The following MAD1L1 variants were observed in gnomAD, a reference collection of about 807,000 sequenced individuals.
MAD1L1 encodes mitotic spindle assembly checkpoint protein MAD1.
Under a neutral mutation model 96.9 loss-of-function variants are expected in MAD1L1, and 95 were observed. That is an observed-to-expected ratio of 0.98 (90% CI 0.83 to 1.16). The LOEUF is 1.16. Ranked by LOEUF, MAD1L1 falls within the 50% of genes most tolerant of loss-of-function variation. The probability of loss-of-function intolerance (pLI) is 0.00; values close to 1 mark genes in which losing one functional copy is unlikely to be tolerated. For missense variants in MAD1L1, 1,007 were observed against 954.4 expected, an observed-to-expected ratio of 1.06 and a Z score of -0.73; for synonymous variants, 473 against 396.6, an observed-to-expected ratio of 1.19 and a Z score of -2.29.
At chr7:2,184,459 A>C (rs1167795892) in intron 10 of MAD1L1, among the ~76,000 whole-genome samples, 3 of 152,180 alleles carry the variant, frequency 2.0e-5, no homozygotes, top group Non-Finnish European at 4.4e-5. Context: ...TCCAGGTAGG[A>C]GCATAAAATC....
chr7:2,122,971 G>C (rs1384876083), intron 11 of MAD1L1, among the ~76,000 whole-genome samples: 1 of 152,236 alleles, frequency 6.6e-6, no homozygotes, highest in East Asian at 1.9e-4. Flanking sequence ...AAGGCGACCG[G>C]TACCTCACCT....
intron 17 of MAD1L1, among the ~76,000 whole-genome samples, chr7:1,909,068 G>A (rs975715312): frequency 2.0e-5 from 3 of 152,248 alleles, no homozygotes; most frequent in Admixed American, 6.5e-5. Context: ...ACACAGGGCA[G>A]GAGGGAACGT....
chr7:2,209,759 C>T (rs529736126), intron 10 of MAD1L1, among the ~76,000 whole-genome samples: 19 of 152,208 alleles, frequency 1.2e-4, no homozygotes, highest in Non-Finnish European at 2.5e-4. Flanking sequence ...CCAGCCCACC[C>T]GGCACAGGCC....
At chr7:1,884,622 G>A (rs1196996949) in intron 18 of MAD1L1, among the ~76,000 whole-genome samples, 1 of 152,250 alleles carries the variant, frequency 6.6e-6, no homozygotes, top group Non-Finnish European at 1.5e-5. Flanking sequence ...TCTAAGAGAC[G>A]ACCGAGAGTG....
At chr7:1,920,985 C>G (rs1276634079) in intron 17 of MAD1L1, among the ~76,000 whole-genome samples, 1 of 151,482 alleles carries the variant, frequency 6.6e-6, no homozygotes, top group Non-Finnish European at 1.5e-5. Context: ...GCCCTGGAGA[C>G]GACGAGACAG....
At chr7:2,143,079 T>C (rs1789122983) in intron 11 of MAD1L1, among the ~76,000 whole-genome samples, 1 of 152,026 alleles carries the variant, frequency 6.6e-6, no homozygotes, top group Non-Finnish European at 1.5e-5. Context: ...CAGGACACGG[T>C]GCCAGTGATG....
At chr7:1,948,870 G>T (rs1482812453) in intron 16 of MAD1L1, among the ~76,000 whole-genome samples, 1 of 152,184 alleles carries the variant, frequency 6.6e-6, no homozygotes, top group Admixed American at 6.5e-5. Flanking sequence ...ACCCAGCAAG[G>T]CTGACATCTG....
chr7:1,876,109 A>C (rs1046389074), intron 18 of MAD1L1, among the ~76,000 whole-genome samples: 3 of 152,186 alleles, frequency 2.0e-5, no homozygotes, highest in Non-Finnish European at 2.9e-5. Context: ...CAGCCAGACC[A>C]GCAGAGTGGT....
chr7:1,912,690 G>A (rs949897254), intron 17 of MAD1L1, among the ~76,000 whole-genome samples: 1 of 152,184 alleles, frequency 6.6e-6, no homozygotes, highest in Non-Finnish European at 1.5e-5. Context: ...CAGGGCCCCT[G>A]TGCAGGCAGG....
At position 2,219,258 on chromosome 7, in the gene MAD1L1, C is replaced by G. The variant is rs1044189177; in HGVS notation, c.596+74G>C. Reference sequence around the variant, plus strand: ...GGGAGTGTATCCACATCCCACCCAGCCACCAGGAGAGAGGTGGGACGCATG... The same window carrying G: ...GGGAGTGTATCCACATCCCACCCAGGCACCAGGAGAGAGGTGGGACGCATG... On this transcript the variant is annotated intron_variant, in intron 6 of 18. Coordinates refer to ENST00000265854, the MANE Select transcript of MAD1L1 (RefSeq NM_001013836.2). The G allele has an allele frequency of 2.2e-6, 3 of 1,390,376 alleles. No individual in the cohort carries two copies. In the African/African-American group the frequency reaches 4.3e-5, roughly 20 times the overall value. 86.1% of individuals were successfully genotyped at this position (1,390,376 alleles called of 1,614,324 possible). A position where few individuals can be genotyped will look rare whatever the true frequency, so the allele number is the denominator to read the frequency against.
chr7:2,082,030 G>A (rs1785679226), intron 11 of MAD1L1, among the ~76,000 whole-genome samples: 1 of 152,208 alleles, frequency 6.6e-6, no homozygotes, highest in South Asian at 2.1e-4. Flanking sequence ...CTGAAGTCTG[G>A]CCACACTGAA....
At chr7:2,081,883 A>AC (rs1785669434) in intron 11 of MAD1L1, among the ~76,000 whole-genome samples, 1 of 152,204 alleles carries the variant, frequency 6.6e-6, no homozygotes, top group African/African-American at 2.4e-5. Context: ...AGATCACGGG[A>AC]CCCCTGGGGA....
chr7:2,217,656 A>C (rs1422733464), intron 7 of MAD1L1, among the ~76,000 whole-genome samples: 1 of 152,196 alleles, frequency 6.6e-6, no homozygotes, highest in Admixed American at 6.5e-5. Context: ...CAGCTTTCTC[A>C]ACCTCTCTAT....
At chr7:2,021,803 C>T (rs891472672) in intron 12 of MAD1L1, among the ~76,000 whole-genome samples, 6 of 151,872 alleles carry the variant, frequency 4.0e-5, no homozygotes, top group South Asian at 2.1e-4. Context: ...CTTAGACAAA[C>T]GAAAACTGGG....
At chr7:1,943,122 G>A (rs1779076394) in intron 16 of MAD1L1, among the ~76,000 whole-genome samples, 3 of 152,206 alleles carry the variant, frequency 2.0e-5, no homozygotes, top group African/African-American at 4.8e-5. Context: ...CAAAAACTAA[G>A]TAACAATGGA....
intron 11 of MAD1L1, among the ~76,000 whole-genome samples, chr7:2,071,336 C>G (rs1391460581): frequency 6.6e-6 from 1 of 152,272 alleles, no homozygotes. Flanking sequence ...AACCTGGCCA[C>G]CCTCAGCCGG....
rs752292739 is a variant in MAD1L1 at position 2,218,039 on chromosome 7, A to AT, written c.600dup (p.Cys201MetfsTer26). On this transcript the variant is annotated frameshift_variant, in exon 7 of 19. Coordinates refer to ENST00000265854, the MANE Select transcript of MAD1L1 (RefSeq NM_001013836.2). LOFTEE classifies it high-confidence loss of function. ...TGGATTTTCTGATTGGCTTCCTGGCATTTTCTATTGAAAGAAAAATACATC... is the reference window on the plus strand; with the variant it reads ...TGGATTTTCTGATTGGCTTCCTGGCATTTTTCTATTGAAAGAAAAATACATC... 7 of 1,613,488 alleles carry AT rather than the reference A, an allele frequency of 4.3e-6. No individual in the cohort carries two copies. The highest frequency in any genetic ancestry group is 5.9e-6 in the Non-Finnish European group (7 of 1,179,508).
chr7:2,017,433 G>A (rs565380611), intron 12 of MAD1L1, among the ~76,000 whole-genome samples: 5 of 152,328 alleles, frequency 3.3e-5, no homozygotes, highest in South Asian at 4.1e-4. Flanking sequence ...GTGAGCAGTC[G>A]GCATCACCTG....
At chr7:2,053,860 T>C (rs954806506) in intron 12 of MAD1L1, among the ~76,000 whole-genome samples, 12 of 152,350 alleles carry the variant, frequency 7.9e-5, no homozygotes, top group African/African-American at 2.4e-5. Flanking sequence ...GCTTCCACAG[T>C]GCTCCAGGGG....
Sources: allele counts gnomAD v4.1 joint callset (sites outside exome capture counted in the v4.1 genomes callset), GRCh38; gene constraint gnomAD v4.1.1; transcripts MANE v1.5; gene names NCBI Gene and HGNC (gene_info 2026-07-23, HGNC 2026-07-21).